Variants in EIPR1 observed in about 807,000 individuals in gnomAD.
EIPR1 encodes EARP complex and GARP complex interacting protein 1.
A neutral mutation model predicts 48.1 loss-of-function variants in EIPR1; 25 were observed. The ratio of observed to expected loss-of-function variants is 0.52; its 90% CI spans 0.38 to 0.73. The LOEUF (loss-of-function observed/expected upper bound fraction) is 0.73. Ranked by LOEUF, EIPR1 falls within the 30% of genes least tolerant of loss-of-function variation. The pLI, the probability that EIPR1 is intolerant of heterozygous loss-of-function variation, is 0.00. For missense variants in EIPR1, 415 were observed against 506.2 expected (o/e 0.82, Z 1.73); for synonymous variants, 204 against 201.9 (o/e 1.01, Z -0.09).
intron 3 of EIPR1, among the ~76,000 whole-genome samples, chr2:3,287,674 C>T (rs1292841639): frequency 4.0e-5 from 6 of 151,052 alleles, no homozygotes; most frequent in South Asian, 2.1e-4. Flanking sequence ...ATCCGGAAAG[C>T]GCGTTCACCA....
chr2:3,189,373 G>A lies in EIPR1; in HGVS notation c.1125C>T (p.Asn375=). 6.2e-7 allele frequency: 1 copy of A among 1,602,458 alleles called. No homozygotes were observed. The highest frequency in any genetic ancestry group is 1.1e-5 in the South Asian group (1 of 89,802). Residue 375 remains asparagine (N), a synonymous_variant, in exon 9 of 9, where the codon AAC becomes AAT. Transcript: ENST00000382125. This position sits in a 1 kb window ranked among gnomAD's most constrained non-coding sequence, Gnocchi z 4.6. ...SLSYDGRLVI[N]RVPRALKYHI... ...GGTACTTCAGGGCCCTGGGCACCCT[G>A]TTGATCACGAGCCTCCCGTCATAGC...
chr2:3,196,337 T>C (rs995775939), intron 6 of EIPR1, among the ~76,000 whole-genome samples: 4 of 152,210 alleles, frequency 2.6e-5, no homozygotes, highest in Non-Finnish European at 5.9e-5. Context: ...GCAACAGACG[T>C]GCTACCATCA....
At chr2:3,237,371 T>C (rs1246356097) in intron 4 of EIPR1, among the ~76,000 whole-genome samples, 1 of 151,988 alleles carries the variant, frequency 6.6e-6, no homozygotes, top group Non-Finnish European at 1.5e-5. Context: ...AACAAGATAT[T>C]GGGAGACAAG....
intron 5 of EIPR1, among the ~76,000 whole-genome samples, chr2:3,204,479 G>A (rs1665158049): frequency 6.6e-6 from 1 of 152,218 alleles, no homozygotes; most frequent in South Asian, 2.1e-4. Context: ...CATGGAGACA[G>A]CACTCAGCAA....
chr2:3,274,264 T>A, intron 3 of EIPR1: 1 of 1,519,474 alleles, frequency 6.6e-7, no homozygotes, highest in Non-Finnish European at 8.8e-7. Flanking sequence ...CCAAGTACCA[T>A]AATTAAAAAT....
chr2:3,213,664 C>T (rs1001537468), intron 5 of EIPR1, among the ~76,000 whole-genome samples: 5 of 152,180 alleles, frequency 3.3e-5, no homozygotes, highest in African/African-American at 4.8e-5. Flanking sequence ...GTTTTGCAAG[C>T]CACTGGGTTC....
intron 5 of EIPR1, among the ~76,000 whole-genome samples, chr2:3,212,594 C>CA (rs1369253079): frequency 1.3e-5 from 2 of 152,124 alleles, no homozygotes; most frequent in African/African-American, 2.4e-5. Context: ...GAATGCCCCG[C>CA]AAAAACACAG....
At chr2:3,200,389 T>C (rs1254577457) in intron 5 of EIPR1, among the ~76,000 whole-genome samples, 1 of 152,194 alleles carries the variant, frequency 6.6e-6, no homozygotes, top group Non-Finnish European at 1.5e-5. Context: ...TGTTTTACGA[T>C]ATCCCTGGTA....
At chr2:3,254,192 CAT>C (rs991258820) in intron 4 of EIPR1, among the ~76,000 whole-genome samples, 4 of 152,166 alleles carry the variant, frequency 2.6e-5, no homozygotes, top group African/African-American at 9.7e-5. Flanking sequence ...CCTATCTAAT[CAT>C]AACACTTTCA....
chr2:3,280,281 C>T (rs17329506), intron 3 of EIPR1, among the ~76,000 whole-genome samples: 9,956 of 152,324 alleles, frequency 0.065, 412 homozygotes, highest in Non-Finnish European at 0.098. Context: ...ACAGACAAGT[C>T]GGCAAAACCT....
At chr2:3,304,842 T>TCCAGTTCAGCCCTCCACTCCCGC (rs1553298048) in intron 3 of EIPR1, among the ~76,000 whole-genome samples, 19,690 of 101,382 alleles carry the variant, frequency 0.19, 3,636 homozygotes, top group Non-Finnish European at 0.22. Context: ...TCCAGTCCCG[T>TCCAGTTCAGCCCTCCACTCCCGC]CCAGTTCAGC....
At chr2:3,298,047 A>AG (rs1668654506) in intron 3 of EIPR1, among the ~76,000 whole-genome samples, 2 of 152,320 alleles carry the variant, frequency 1.3e-5, no homozygotes, top group East Asian at 1.9e-4. Context: ...TGGGTCAGAG[A>AG]GGGGGTCATC....
intron 3 of EIPR1, among the ~76,000 whole-genome samples, chr2:3,323,761 C>G (rs1017462629): frequency 6.6e-6 from 1 of 152,206 alleles, no homozygotes; most frequent in East Asian, 1.9e-4. Flanking sequence ...CTCTATGAAC[C>G]CTGTTTTCTC....
chr2:3,190,058 C>T (rs1213261065), intron 8 of EIPR1, among the ~76,000 whole-genome samples: 2 of 152,064 alleles, frequency 1.3e-5, no homozygotes, highest in Non-Finnish European at 2.9e-5. Flanking sequence ...GGAAGACGCC[C>T]TGGCCCTGTG....
chr2:3,327,555 G>T (rs1420824564), intron 3 of EIPR1, among the ~76,000 whole-genome samples: 2 of 152,158 alleles, frequency 1.3e-5, no homozygotes, highest in Non-Finnish European at 2.9e-5. Context: ...AGAGAGAAAA[G>T]GTCACTATAG....
chr2:3,345,913 CAT>C (rs1320566464), intron 2 of EIPR1, among the ~76,000 whole-genome samples: 2 of 152,172 alleles, frequency 1.3e-5, no homozygotes, highest in Non-Finnish European at 2.9e-5. Flanking sequence ...CTGGTGCACA[CAT>C]ATGACTTGCT....
intron 4 of EIPR1, among the ~76,000 whole-genome samples, chr2:3,240,068 G>T (rs1037830026): frequency 1.1e-4 from 16 of 151,674 alleles, no homozygotes; most frequent in African/African-American, 3.4e-4. Context: ...CCTTCCTAAA[G>T]CAAAGCCAGC....
At chr2:3,196,154 T>C (rs1664799527) in intron 6 of EIPR1, among the ~76,000 whole-genome samples, 1 of 152,220 alleles carries the variant, frequency 6.6e-6, no homozygotes, top group Non-Finnish European at 1.5e-5. Context: ...GATTCTTTAT[T>C]AGCCCCTGAG....
At chr2:3,243,648 GAAATT>G (rs1346787461) in intron 4 of EIPR1, among the ~76,000 whole-genome samples, 2 of 151,980 alleles carry the variant, frequency 1.3e-5, no homozygotes, top group Non-Finnish European at 1.5e-5. Flanking sequence ...AACCCAAAAT[GAAATT>G]AAATTAAAAA....
Sources: allele counts gnomAD v4.1 joint callset (sites outside exome capture counted in the v4.1 genomes callset), GRCh38; gene constraint gnomAD v4.1.1; non-coding constraint Gnocchi (gnomAD v3.1); transcripts MANE v1.5; gene names NCBI Gene and HGNC (gene_info 2026-07-23, HGNC 2026-07-21).